RANBP2: variants seen among roughly 807,000 people sequenced by gnomAD.
The protein encoded by RANBP2 is E3 SUMO-protein ligase RanBP2.
In RANBP2, 57 loss-of-function variants were observed where a neutral mutation model predicts 303.6. The observed-to-expected ratio is 0.19, with a 90% CI of 0.15 to 0.23. RANBP2 has a LOEUF of 0.23. Among genes scored for constraint, RANBP2 ranks in the 10% least tolerant of loss-of-function variants. The pLI is 1.00. For synonymous variants in RANBP2, 1,167 were observed against 1,301.5 expected (o/e 0.90, Z 2.23); for missense variants, 3,138 against 3,780.8 (o/e 0.83, Z 4.46).
the RANBP2 span, among the ~76,000 whole-genome samples, chr2:109,227,302 C>T: frequency 6.6e-6 from 1 of 152,142 alleles, no homozygotes; most frequent in Admixed American, 6.5e-5. Context: ...ATGTCAGGCA[C>T]ACAAAGCTAC....
the RANBP2 span, among the ~76,000 whole-genome samples, chr2:109,570,633 T>C: frequency 2.2e-5 from 3 of 133,932 alleles, no homozygotes; most frequent in African/African-American, 8.0e-5. Flanking sequence ...CAAGCAATTC[T>C]GCCTCAGCCT....
At chr2:109,674,449 T>C in the RANBP2 span, among the ~76,000 whole-genome samples, 3 of 144,770 alleles carry the variant, frequency 2.1e-5, no homozygotes, top group South Asian at 2.2e-4. Context: ...CCGAGCATGA[T>C]GGCATGTACC....
the RANBP2 span, among the ~76,000 whole-genome samples, chr2:108,867,189 C>CAGGGCT: frequency 6.6e-6 from 1 of 152,136 alleles, no homozygotes; most frequent in East Asian, 1.9e-4. Context: ...TTTAATGTCA[C>CAGGGCT]AGGGCTAGGG....
At chr2:108,853,967 AATAT>A in the RANBP2 span, among the ~76,000 whole-genome samples, 3 of 112,914 alleles carry the variant, frequency 2.7e-5, no homozygotes, top group South Asian at 2.5e-4. Context: ...TATATAATAA[AATAT>A]ATATAATATA....
chr2:109,678,579 A>G, the RANBP2 span, among the ~76,000 whole-genome samples: 119 of 152,368 alleles, frequency 7.8e-4, no homozygotes, highest in East Asian at 0.023. Flanking sequence ...TAATGCAGAG[A>G]ACCTTTGTAT....
chr2:109,011,457 G>C, the RANBP2 span, among the ~76,000 whole-genome samples: 1 of 152,162 alleles, frequency 6.6e-6, no homozygotes, highest in African/African-American at 2.4e-5. Context: ...TTTTCTGTTT[G>C]TTCTTTTCTC....
chr2:109,187,871 T>C, the RANBP2 span, among the ~76,000 whole-genome samples: 2 of 152,238 alleles, frequency 1.3e-5, no homozygotes, highest in Admixed American at 1.3e-4. Flanking sequence ...GGGTGCTCTC[T>C]TCCTGCCGCC....
intron 6 of RANBP2, among the ~76,000 whole-genome samples, chr2:108,737,493 C>G (rs1422820747): frequency 6.6e-6 from 1 of 151,028 alleles, no homozygotes; most frequent in African/African-American, 2.4e-5. Context: ...CGCACACCAC[C>G]ATACCCAGCT....
the RANBP2 span, among the ~76,000 whole-genome samples, chr2:109,370,332 C>T: frequency 1.6e-4 from 24 of 151,890 alleles, no homozygotes; most frequent in Non-Finnish European, 2.8e-4. Flanking sequence ...CTCTGCCTCC[C>T]GGGTTCAAGC....
the RANBP2 span, among the ~76,000 whole-genome samples, chr2:109,104,235 G>T: frequency 3.3e-5 from 5 of 152,276 alleles, no homozygotes; most frequent in African/African-American, 1.2e-4. Context: ...TTATACCACA[G>T]TCATGCTGGA....
chr2:109,486,951 C>T, the RANBP2 span, among the ~76,000 whole-genome samples: 1 of 152,202 alleles, frequency 6.6e-6, no homozygotes, highest in Non-Finnish European at 1.5e-5. Flanking sequence ...CCCTGTGAGG[C>T]TGAACTGATT....
At chr2:109,033,845 A>G in the RANBP2 span, among the ~76,000 whole-genome samples, 3 of 151,358 alleles carry the variant, frequency 2.0e-5, no homozygotes, top group East Asian at 1.9e-4. Context: ...AGTCCCAGCA[A>G]TTCGGGAGGC....
At chr2:109,574,862 A>C in the RANBP2 span, 3 of 799,548 alleles carry the variant, frequency 3.8e-6, no homozygotes, top group Admixed American at 3.5e-5. Flanking sequence ...ATTTTCACTA[A>C]TTAATAAACA....
chr2:109,085,404 C>T, the RANBP2 span, among the ~76,000 whole-genome samples: 38 of 151,570 alleles, frequency 2.5e-4, no homozygotes, highest in African/African-American at 1.7e-4. Flanking sequence ...CCTGAGTTCA[C>T]GCCATTCTCC....
chr2:109,270,742 A>G, the RANBP2 span, among the ~76,000 whole-genome samples: 1 of 152,126 alleles, frequency 6.6e-6, no homozygotes, highest in African/African-American at 2.4e-5. Flanking sequence ...TACTCCTCTT[A>G]TGTAGATTGA....
At chr2:108,927,004 G>A in the RANBP2 span, among the ~76,000 whole-genome samples, 1 of 152,232 alleles carries the variant, frequency 6.6e-6, no homozygotes, top group East Asian at 1.9e-4. Context: ...AGAGGGGGCA[G>A]CATGAGCCCC....
At chr2:109,186,491 A>C in the RANBP2 span, among the ~76,000 whole-genome samples, 1 of 152,230 alleles carries the variant, frequency 6.6e-6, no homozygotes, top group South Asian at 2.1e-4. Flanking sequence ...TGTGTGTAAA[A>C]TGAAAGCATG....
the RANBP2 span, chr2:108,894,367 A>ACAT: frequency 6.6e-6 from 1 of 152,592 alleles, no homozygotes; most frequent in Non-Finnish European, 1.5e-5. Context: ...GTCTCATCAT[A>ACAT]CATAGGGCAA....
the RANBP2 span, among the ~76,000 whole-genome samples, chr2:109,059,796 C>T: frequency 2.0e-5 from 3 of 150,774 alleles, no homozygotes; most frequent in Non-Finnish European, 4.4e-5. Context: ...TGCAGTCAGG[C>T]CCCATGCCCT....
Sources: allele counts gnomAD v4.1 joint callset (sites outside exome capture counted in the v4.1 genomes callset), GRCh38; gene constraint gnomAD v4.1.1; transcripts MANE v1.5; gene names NCBI Gene and HGNC (gene_info 2026-07-23, HGNC 2026-07-21).